Variants in PSD3 observed in about 807,000 individuals in gnomAD.
The protein encoded by PSD3 is pleckstrin and Sec7 domain containing 3, also known as PH and SEC7 domain-containing protein 3.
A neutral mutation model predicts 105.5 loss-of-function variants in PSD3; 49 were observed. The ratio of observed to expected loss-of-function variants is 0.46; its 90% CI spans 0.37 to 0.59. The LOEUF (loss-of-function observed/expected upper bound fraction) is 0.59, where lower values mean the gene tolerates loss of function less well. Among genes scored for constraint, PSD3 ranks in the 20% least tolerant of loss-of-function variants. The pLI, the probability that PSD3 is intolerant of heterozygous loss-of-function variation, is 0.00. For synonymous variants in PSD3, 557 were observed against 457.8 expected (o/e 1.22, Z -2.77); for missense variants, 1,561 against 1,263.8 (o/e 1.24, Z -3.57).
intron 8 of PSD3, among the ~76,000 whole-genome samples, chr8:18,784,088 C>T (rs1194947958): frequency 6.6e-6 from 1 of 152,020 alleles, no homozygotes; most frequent in Non-Finnish European, 1.5e-5. Context: ...TGTTTTCAAT[C>T]CCTTTTTGCG....
intron 11 of PSD3, among the ~76,000 whole-genome samples, chr8:18,609,107 C>G (rs552834774): frequency 6.6e-6 from 1 of 152,218 alleles, no homozygotes; most frequent in East Asian, 1.9e-4. Flanking sequence ...ACATATTAAT[C>G]TTTACTTCCT....
chr8:18,778,609 A>G (rs1808313140), intron 8 of PSD3, among the ~76,000 whole-genome samples: 1 of 151,966 alleles, frequency 6.6e-6, no homozygotes, highest in East Asian at 1.9e-4. Context: ...GGCGTTTACT[A>G]TGATGTGTTC....
At chr8:18,925,461 T>TA in intron 2 of PSD3, among the ~76,000 whole-genome samples, 1 of 152,030 alleles carries the variant, frequency 6.6e-6, no homozygotes, top group East Asian at 1.9e-4. Flanking sequence ...GGAAAAATGT[T>TA]AAAAAATGGG....
At chr8:18,942,401 C>G (rs1208746813) in intron 1 of PSD3, among the ~76,000 whole-genome samples, 1 of 152,134 alleles carries the variant, frequency 6.6e-6, no homozygotes, top group Non-Finnish European at 1.5e-5. Context: ...GGGAGCCACG[C>G]ACAACTTAAG....
chr8:19,054,633 G>T (rs571029743), intron 1 of PSD3, among the ~76,000 whole-genome samples: 26 of 152,272 alleles, frequency 1.7e-4, no homozygotes, highest in Non-Finnish European at 3.4e-4. Flanking sequence ...ATATCTGCCA[G>T]ATTTATTCCA....
At chr8:18,699,452 CA>C (rs988469225) in intron 9 of PSD3, among the ~76,000 whole-genome samples, 14 of 152,194 alleles carry the variant, frequency 9.2e-5, no homozygotes, top group African/African-American at 3.4e-4. Context: ...TAGTCACAGT[CA>C]GGCAAGACGA....
chr8:18,661,272 A>G (rs932561677), intron 9 of PSD3, among the ~76,000 whole-genome samples: 1 of 152,146 alleles, frequency 6.6e-6, no homozygotes, highest in African/African-American at 2.4e-5. Flanking sequence ...TGGAATTTGT[A>G]CTCAGAAAGA....
At position 18,728,928 on chromosome 8, in the gene PSD3, T is replaced by C. The variant is rs575566778; in HGVS notation, c.2172+36521A>G. 5.3e-5 allele frequency among the ~76,000 whole-genome samples: 8 copies of C among 152,326 alleles called. No homozygotes were observed. In the South Asian group the frequency reaches 1.0e-3, roughly 20 times the overall value. The stretch of plus-strand genomic sequence containing the variant: ...TGTCAGTTCTGCTTCTCAGTTATTC[T>C]GGAAGATTTCTTTTAAGAAAAGCAG... On this transcript the variant is annotated intron_variant, in intron 9 of 15. Transcript: ENST00000327040.
At chr8:18,645,070 C>T (rs191849161) in intron 10 of PSD3, among the ~76,000 whole-genome samples, 9 of 152,288 alleles carry the variant, frequency 5.9e-5, no homozygotes, top group South Asian at 2.1e-4. Flanking sequence ...ACTACTCTCA[C>T]GATAACTAAC....
At chr8:18,788,442 C>G (rs1194038280) in intron 8 of PSD3, among the ~76,000 whole-genome samples, 1 of 152,146 alleles carries the variant, frequency 6.6e-6, no homozygotes, top group East Asian at 1.9e-4. Context: ...GGAATGTAAC[C>G]TACAAAGCTC....
chr8:18,948,024 T>C (rs1379574110), intron 1 of PSD3, among the ~76,000 whole-genome samples: 1 of 152,170 alleles, frequency 6.6e-6, no homozygotes, highest in African/African-American at 2.4e-5. Context: ...CAACCGACTA[T>C]TATGAGTTCA....
chr8:19,070,776 C>T (rs938771344), intron 1 of PSD3, among the ~76,000 whole-genome samples: 1 of 152,214 alleles, frequency 6.6e-6, no homozygotes, highest in Non-Finnish European at 1.5e-5. Flanking sequence ...TGCTGACCCA[C>T]AGCCCTTTGA....
chr8:18,714,933 T>C (rs1299761305), intron 9 of PSD3, among the ~76,000 whole-genome samples: 2 of 152,204 alleles, frequency 1.3e-5, no homozygotes, highest in Non-Finnish European at 2.9e-5. Context: ...ATATACACCA[T>C]AGAATACTAT....
chr8:19,017,969 T>TC (rs1335619900), upstream of PSD3, among the ~76,000 whole-genome samples: 1 of 152,218 alleles, frequency 6.6e-6, no homozygotes, highest in African/African-American at 2.4e-5. Context: ...TAACTTTATT[T>TC]CCAATCTGTT....
Position 18,804,706 on chromosome 8 carries a change from C to T in PSD3, c.1827G>A (p.Lys609=). ...TCCAGCAATGGGTCAGAACGTACTT[C>T]TTGCCAAGGTGTTTTGCAACATCTG... ...KRSDVAKHLG[K]NNEFSKLVAE... The change falls in exon 5 of 16, where the codon AAG becomes AAA. Residue 609 remains lysine, a splice_region_variant and synonymous_variant. Coordinates refer to ENST00000327040, the MANE Select transcript of PSD3 (RefSeq NM_015310.4). 6.2e-7 allele frequency: 1 copy of T among 1,613,738 alleles called. No individual in the cohort carries two copies. The highest frequency in any genetic ancestry group is 8.5e-7 in the Non-Finnish European group (1 of 1,179,826).
chr8:18,828,181 T>A (rs1813386785), intron 4 of PSD3, among the ~76,000 whole-genome samples: 1 of 151,404 alleles, frequency 6.6e-6, no homozygotes, highest in Non-Finnish European at 1.5e-5. Context: ...TGGCTCATGG[T>A]AATTTCCATG....
chr8:18,818,027 C>T (rs1586115338), intron 4 of PSD3, among the ~76,000 whole-genome samples: 2 of 152,290 alleles, frequency 1.3e-5, no homozygotes, highest in African/African-American at 2.4e-5. Flanking sequence ...GATCTCGGCT[C>T]ACTGCAACCT....
chr8:18,556,441 A>G, intron 14 of PSD3, 89 bp from the exon 15 acceptor site: 2 of 1,368,608 alleles, frequency 1.5e-6, no homozygotes, highest in South Asian at 2.7e-5. Context: ...CCCTGTGCTG[A>G]ATGACTTTAA....
At chr8:18,909,902 C>G (rs1383817853) in intron 2 of PSD3, among the ~76,000 whole-genome samples, 1 of 151,992 alleles carries the variant, frequency 6.6e-6, no homozygotes, top group Non-Finnish European at 1.5e-5. Context: ...TTGTAATTTC[C>G]CTCCGCTGGG....
Sources: gnomAD v4.1 joint callset for allele counts (sites outside exome capture counted in the v4.1 genomes callset) on GRCh38, gnomAD v4.1.1 for gene constraint, MANE v1.5 for transcripts, NCBI Gene and HGNC (gene_info 2026-07-23, HGNC 2026-07-21) for gene names.